Variants in APLF observed in about 807,000 individuals in gnomAD.
APLF encodes the protein aprataxin and PNKP like factor, also known as aprataxin and PNK-like factor.
In APLF, 61 loss-of-function variants were observed where a neutral mutation model predicts 55.6. The ratio of observed to expected loss-of-function variants is 1.10; its 90% CI spans 0.89 to 1.36. The LOEUF is 1.36. Among genes scored for constraint, APLF ranks in the 40% most tolerant of loss-of-function variants. APLF has a pLI of 0.00. For missense variants in APLF, 611 were observed against 602.5 expected (o/e 1.01, Z -0.15); for synonymous variants, 207 against 214.8 (o/e 0.96, Z 0.32).
chr2:68,498,298 A>G (rs1250477897), intron 2 of APLF, among the ~76,000 whole-genome samples: 1 of 152,220 alleles, frequency 6.6e-6, no homozygotes, highest in Non-Finnish European at 1.5e-5. Context: ...AAAATTACAT[A>G]AATGAATATG....
At chr2:68,536,973 C>T (rs1226341742) in intron 6 of APLF, among the ~76,000 whole-genome samples, 1 of 152,052 alleles carries the variant, frequency 6.6e-6, no homozygotes, top group Non-Finnish European at 1.5e-5. Flanking sequence ...TCGAGACCAG[C>T]TTGGCCAACA....
At chr2:68,483,868 G>T (rs1018471735) in intron 1 of APLF, among the ~76,000 whole-genome samples, 2 of 152,054 alleles carry the variant, frequency 1.3e-5, no homozygotes, top group East Asian at 3.9e-4. Context: ...TATTATACCT[G>T]TCTATGATGT....
chr2:68,547,507 G>A (rs942740858), intron 8 of APLF, among the ~76,000 whole-genome samples: 3 of 151,700 alleles, frequency 2.0e-5, no homozygotes, highest in Non-Finnish European at 3.0e-5. Context: ...CAAAGATAAA[G>A]TAACATGACC....
At chr2:68,475,990 G>A (rs1033866427) in intron 1 of APLF, among the ~76,000 whole-genome samples, 85 of 150,072 alleles carry the variant, frequency 5.7e-4, no homozygotes, top group Non-Finnish European at 7.8e-4. Flanking sequence ...TTAGGTTTAT[G>A]CATTTCACCA....
At chr2:68,545,140 G>T in intron 7 of APLF, 47 bp from the exon 8 acceptor site, 1 of 1,597,098 alleles carries the variant, frequency 6.3e-7, no homozygotes, top group South Asian at 1.1e-5. Context: ...TAAAAATCTA[G>T]AATATCCTAT....
rs1284007446 is a variant in APLF, at chr2:68,476,347, G to T, written c.96+8520G>T. On this transcript the variant is annotated intron_variant, in intron 1 of 9. Transcript: ENST00000303795. ...CCAAAAATACAAACAGCCGGCTGTGGTGGTGCACACCTGTAATCTCAGCTA... is the reference window on the plus strand; with the variant it reads ...CCAAAAATACAAACAGCCGGCTGTGTTGGTGCACACCTGTAATCTCAGCTA... 2.0e-5 allele frequency among the ~76,000 whole-genome samples: 3 copies of T among 151,988 alleles called. No individual in the cohort carries two copies. In the East Asian group the frequency reaches 5.8e-4, roughly 29 times the overall value.
At position 68,484,669 on chromosome 2, in the gene APLF, G is replaced by C. The variant is rs1239450633; in HGVS notation, c.97-5521G>C. 1.3e-5 allele frequency among the ~76,000 whole-genome samples: 2 copies of C among 149,984 alleles called. 1 individual carries two copies. Among genetic ancestry groups the C allele is most frequent in the Non-Finnish European group, 2.9e-5 (2 of 67,822 alleles). The stretch of plus-strand genomic sequence containing the variant: ...ATTGTGCCATTGCACTGCAGCCTGG[G>C]CAGCAGAGCGAAGCTTAGTCTGAAA... On this transcript the variant is annotated intron_variant, in intron 1 of 9. Coordinates refer to ENST00000303795, the MANE Select transcript of APLF (RefSeq NM_173545.3).
At chr2:68,527,722 C>CT (rs1670110986) in intron 6 of APLF, among the ~76,000 whole-genome samples, 1 of 144,664 alleles carries the variant, frequency 6.9e-6, no homozygotes, top group South Asian at 2.2e-4. Context: ...AGAGGCGCTC[C>CT]TCACTTCCCA....
chr2:68,569,486 A>G (rs6731066), intron 9 of APLF, among the ~76,000 whole-genome samples: 34,649 of 151,960 alleles, frequency 0.23, 6,166 homozygotes, highest in African/African-American at 0.5. Flanking sequence ...CAAGTGGATC[A>G]TTTTAATTGA....
chr2:68,560,056 C>T, intron 8 of APLF, among the ~76,000 whole-genome samples: 1 of 152,108 alleles, frequency 6.6e-6, no homozygotes. Flanking sequence ...ATTTCCTCTT[C>T]CTTAAGTGTT....
At chr2:68,552,569 C>CT (rs1012913440) in intron 8 of APLF, among the ~76,000 whole-genome samples, 19 of 151,970 alleles carry the variant, frequency 1.3e-4, no homozygotes, top group East Asian at 1.2e-3. Flanking sequence ...GCCTATCAGG[C>CT]TTTTTTTTCC....
At chr2:68,567,426 T>A in intron 9 of APLF, 39 bp downstream of exon 9, 1 of 1,458,908 alleles carries the variant, frequency 6.9e-7, no homozygotes, top group Admixed American at 2.0e-5. Context: ...AATGAAACCT[T>A]TAAATGATTT....
Position 68,526,141 on chromosome 2 carries a change from CAATT to C in APLF, c.708_711del (p.Leu236PhefsTer43). 6.2e-7 allele frequency: 1 copy of C among 1,613,814 alleles called. No homozygotes were observed. The highest frequency in any genetic ancestry group is 1.1e-5 in the South Asian group (1 of 91,070). On this transcript the variant is annotated frameshift_variant, in exon 6 of 10. Transcript: ENST00000303795. LOFTEE classifies it high-confidence loss of function. Reference sequence around the variant, plus strand: ...AAACACAACCCAGCAAGGAAGAAGGCAATTAATTTCATCAGGAAGTTCAGAAAAT... The same window carrying C: ...AAACACAACCCAGCAAGGAAGAAGGCAATTTCATCAGGAAGTTCAGAAAAT...
At chr2:68,573,227 G>T (rs1671532945) in intron 9 of APLF, among the ~76,000 whole-genome samples, 1 of 152,104 alleles carries the variant, frequency 6.6e-6, no homozygotes, top group South Asian at 2.1e-4. Context: ...TCCAGTGCTG[G>T]CTTCAAGTAG....
At chr2:68,537,733 G>T (rs1670434574) in intron 6 of APLF, 139 bp from the exon 7 acceptor site, 1 of 662,268 alleles carries the variant, frequency 1.5e-6, no homozygotes, top group African/African-American at 1.9e-5. Flanking sequence ...GAAAATAGTG[G>T]CATTTAAGAA....
intron 8 of APLF, among the ~76,000 whole-genome samples, chr2:68,547,880 A>G (rs780548991): frequency 2.6e-5 from 4 of 151,842 alleles, no homozygotes; most frequent in Non-Finnish European, 4.4e-5. Context: ...TTCAGGAATT[A>G]CACTTAACTT....
chr2:68,500,382 T>G (rs1227474883), intron 2 of APLF, among the ~76,000 whole-genome samples: 3 of 151,972 alleles, frequency 2.0e-5, no homozygotes, highest in Admixed American at 2.0e-4. Context: ...TAACCAAGTA[T>G]AATTTAAATA....
rs1197745841 is a variant in APLF, at chr2:68,516,931, TATATA to T, written c.622+3262_622+3266del. Among the ~76,000 whole-genome samples the T allele has an allele frequency of 3.4e-3, 422 of 124,804 alleles. 2 individuals carry two copies. Among genetic ancestry groups the T allele is most frequent in the African/African-American group, 0.013 (411 of 31,090 alleles). 81.9% of individuals were successfully genotyped at this position (124,804 alleles called of 152,430 possible). A position where few individuals can be genotyped will look rare whatever the true frequency, so the allele number is the denominator to read the frequency against. On this transcript the variant is annotated intron_variant, in intron 5 of 9. Transcript: ENST00000303795. The stretch of plus-strand genomic sequence containing the variant: ...ATATCCTATATAACATTATATATAA[TATATA>T]ATATAATATATATAATATAATATAT...
chr2:68,479,607 G>A (rs750422932), intron 1 of APLF, among the ~76,000 whole-genome samples: 2 of 152,176 alleles, frequency 1.3e-5, no homozygotes, highest in African/African-American at 4.8e-5. Flanking sequence ...GAAGGGTTAC[G>A]TTTATTCAAG....
Sources: gnomAD v4.1 joint callset for allele counts (sites outside exome capture counted in the v4.1 genomes callset) on GRCh38, gnomAD v4.1.1 for gene constraint, MANE v1.5 for transcripts, NCBI Gene and HGNC (gene_info 2026-07-23, HGNC 2026-07-21) for gene names.